Variants in CADPS observed in about 807,000 individuals in gnomAD.
The protein encoded by CADPS is calcium-dependent secretion activator 1.
A neutral mutation model predicts 167.3 loss-of-function variants in CADPS; 57 were observed. That is an observed-to-expected ratio of 0.34 (90% CI 0.28 to 0.42). The LOEUF (loss-of-function observed/expected upper bound fraction) is 0.42. Ranked by LOEUF, CADPS falls within the 20% of genes least tolerant of loss-of-function variation. The pLI is 1.00. For missense variants in CADPS, 1,414 were observed against 1,738.1 expected (o/e 0.81, Z 3.32); for synonymous variants, 676 against 635.3 (o/e 1.06, Z -0.96).
chr3:62,799,693 CTG>C (rs1236584973), intron 1 of CADPS, among the ~76,000 whole-genome samples: 5 of 152,168 alleles, frequency 3.3e-5, no homozygotes, highest in Non-Finnish European at 5.9e-5. Flanking sequence ...TGTAGACAAA[CTG>C]TATAATTTGG....
At chr3:62,793,641 T>G (rs1258254604) in intron 1 of CADPS, among the ~76,000 whole-genome samples, 1 of 152,138 alleles carries the variant, frequency 6.6e-6, no homozygotes, top group Non-Finnish European at 1.5e-5. Flanking sequence ...TGGGCTTACT[T>G]TTGGAGGGTA....
chr3:62,491,120 G>T (rs937493185), intron 21 of CADPS, among the ~76,000 whole-genome samples: 1 of 151,988 alleles, frequency 6.6e-6, no homozygotes, highest in Non-Finnish European at 1.5e-5. Flanking sequence ...TTCATGAAAC[G>T]TTTTTTCAGC....
chr3:62,456,239 C>A (rs1259097810), intron 26 of CADPS, among the ~76,000 whole-genome samples: 1 of 152,108 alleles, frequency 6.6e-6, no homozygotes, highest in Non-Finnish European at 1.5e-5. Flanking sequence ...TGGCTGCAAC[C>A]CATGAACCAT....
rs146041801 is a variant in CADPS at position 62,413,304 on chromosome 3, A to G, written c.3778-10119T>C. 5.4e-3 allele frequency among the ~76,000 whole-genome samples: 816 copies of G among 152,304 alleles called. 6 individuals carry two copies. The highest frequency in any genetic ancestry group is 0.019 in the African/African-American group (787 of 41,568). Reference sequence around the variant, plus strand: ...TGCAAAAACATTGAAAGTAGGATCTAGAAGAGATACGCCCACATTGATGTT... The same window carrying G: ...TGCAAAAACATTGAAAGTAGGATCTGGAAGAGATACGCCCACATTGATGTT... On this transcript the variant is annotated intron_variant, in intron 28 of 29. Coordinates refer to ENST00000383710, the MANE Select transcript of CADPS (RefSeq NM_003716.4).
intron 5 of CADPS, among the ~76,000 whole-genome samples, chr3:62,646,960 A>G (rs961941750): frequency 6.6e-6 from 1 of 152,184 alleles, no homozygotes; most frequent in African/African-American, 2.4e-5. Context: ...ATCAAGATGT[A>G]TCATTTACAG....
chr3:62,540,211 G>C (rs1160010906), intron 11 of CADPS, among the ~76,000 whole-genome samples: 1 of 151,888 alleles, frequency 6.6e-6, no homozygotes, highest in East Asian at 1.9e-4. Flanking sequence ...AGGAAGCTGG[G>C]AGTCCTTCCC....
chr3:62,863,329 G>A (rs2081144580), intron 1 of CADPS, among the ~76,000 whole-genome samples: 1 of 152,136 alleles, frequency 6.6e-6, no homozygotes, highest in South Asian at 2.1e-4. Context: ...TTCCTCTTCT[G>A]TAGGATTGGG....
intron 5 of CADPS, among the ~76,000 whole-genome samples, chr3:62,649,270 C>G (rs1030674255): frequency 6.6e-6 from 1 of 152,030 alleles, no homozygotes; most frequent in Non-Finnish European, 1.5e-5. Flanking sequence ...AGGGCTGCAT[C>G]CTGTCTAGAA....
chr3:62,824,932 G>A (rs2152954456), intron 1 of CADPS, among the ~76,000 whole-genome samples: 1 of 152,186 alleles, frequency 6.6e-6, no homozygotes, highest in East Asian at 1.9e-4. Flanking sequence ...AATATTACGT[G>A]TCAGAGATGA....
intron 23 of CADPS, among the ~76,000 whole-genome samples, chr3:62,477,451 G>A (rs2061473168): frequency 6.6e-6 from 1 of 151,958 alleles, no homozygotes; most frequent in African/African-American, 2.4e-5. Context: ...TATTTGATAT[G>A]GAGACACTCC....
intron 3 of CADPS, among the ~76,000 whole-genome samples, chr3:62,725,348 T>C (rs1189439363): frequency 6.6e-6 from 1 of 152,224 alleles, no homozygotes; most frequent in African/African-American, 2.4e-5. Flanking sequence ...GACTAATGAT[T>C]ATGGTACTGG....
At chr3:62,643,173 G>A (rs1321484319) in intron 6 of CADPS, among the ~76,000 whole-genome samples, 4 of 152,282 alleles carry the variant, frequency 2.6e-5, no homozygotes, top group Non-Finnish European at 5.9e-5. Flanking sequence ...CAAGCTCCAC[G>A]TATATCCCTT....
chr3:62,474,153 A>ATTT lies in CADPS; in HGVS notation c.3477+17_3477+19dup, dbSNP rs61586697. 25,032 of 737,028 alleles carry ATTT rather than the reference A, an allele frequency of 0.034. 828 individuals carry two copies. The highest frequency in any genetic ancestry group is 0.13 in the African/African-American group (3,981 of 31,812). 45.7% of individuals were successfully genotyped at this position (737,028 alleles called of 1,614,324 possible). A position where few individuals can be genotyped will look rare whatever the true frequency, so the allele number is the denominator to read the frequency against. On this transcript the variant is annotated intron_variant, in intron 24 of 29. Transcript: ENST00000383710. Reference sequence around the variant, plus strand: ...AATGAAGAGGGAAAAAAAAATCTGTATTTTTTTTTTTTTTTTTACCTCTTG... The same window carrying ATTT: ...AATGAAGAGGGAAAAAAAAATCTGTATTTTTTTTTTTTTTTTTTTTACCTCTTG...
At chr3:62,585,466 T>C in intron 7 of CADPS, 142 bp from the exon 8 acceptor site, 1 of 742,908 alleles carries the variant, frequency 1.3e-6, no homozygotes, top group Non-Finnish European at 2.1e-6. Context: ...AAACACATTC[T>C]TTTGATCCTT....
chr3:62,622,954 T>G (rs1377708053), intron 6 of CADPS, among the ~76,000 whole-genome samples: 1 of 152,214 alleles, frequency 6.6e-6, no homozygotes, highest in Non-Finnish European at 1.5e-5. Flanking sequence ...CATTCTTAAC[T>G]ACTTTTTAAA....
chr3:62,814,206 C>G (rs1213378033), intron 1 of CADPS, among the ~76,000 whole-genome samples: 1 of 152,056 alleles, frequency 6.6e-6, no homozygotes, highest in African/African-American at 2.4e-5. Flanking sequence ...GCCAAACCAC[C>G]AGTCTTTGAA....
In CADPS at chr3:62,703,263, T is replaced by C. The variant is rs147541496; in HGVS notation, c.889-40869A>G. On this transcript the variant is annotated intron_variant, in intron 3 of 29. Coordinates refer to ENST00000383710, the MANE Select transcript of CADPS (RefSeq NM_003716.4). ...ACTTGAGACAATTCACATCTCTAGC[T>C]GAACGACCCAATGAATGAATAAATT... 3.2e-3 allele frequency among the ~76,000 whole-genome samples: 486 copies of C among 152,274 alleles called. 5 individuals are homozygous for C. Among genetic ancestry groups the C allele is most frequent in the African/African-American group, 0.011 (455 of 41,534 alleles).
intron 1 of CADPS, among the ~76,000 whole-genome samples, chr3:62,819,407 CGTGTGTGTGTGTGT>C (rs3047244): frequency 8.3e-5 from 12 of 144,072 alleles, no homozygotes; most frequent in Middle Eastern, 7.1e-3. Flanking sequence ...AATCTGTGTG[CGTGTGTGTGTGTGT>C]GTGTGTGTGT....
intron 1 of CADPS, among the ~76,000 whole-genome samples, chr3:62,830,773 G>A (rs1406083178): frequency 6.6e-6 from 1 of 152,110 alleles, no homozygotes; most frequent in Non-Finnish European, 1.5e-5. Flanking sequence ...TACGTTTTGT[G>A]GAGACTTGAT....
Sources: gnomAD v4.1 joint callset for allele counts (sites outside exome capture counted in the v4.1 genomes callset) on GRCh38, gnomAD v4.1.1 for gene constraint, MANE v1.5 for transcripts, NCBI Gene and HGNC (gene_info 2026-07-23, HGNC 2026-07-21) for gene names.